The following ACSL3 variants were observed in gnomAD, a reference collection of about 807,000 sequenced individuals.
The protein encoded by ACSL3 is fatty acid CoA ligase Acsl3.
Under a neutral mutation model 84.7 loss-of-function variants are expected in ACSL3, and 34 were observed. The ratio of observed to expected loss-of-function variants is 0.40; its 90% CI spans 0.31 to 0.53. The LOEUF is 0.53. Among genes scored for constraint, ACSL3 ranks in the 20% least tolerant of loss-of-function variants. The probability of loss-of-function intolerance (pLI) is 0.48; values close to 1 mark genes in which losing one functional copy is unlikely to be tolerated. For missense variants in ACSL3, 680 were observed against 873.1 expected, an observed-to-expected ratio of 0.78 and a Z score of 2.79; for synonymous variants, 315 against 299.4, an observed-to-expected ratio of 1.05 and a Z score of -0.54.
chr2:222,879,557 T>C (rs763459044), intron 1 of ACSL3, among the ~76,000 whole-genome samples: 13 of 152,226 alleles, frequency 8.5e-5, no homozygotes, highest in Non-Finnish European at 1.2e-4. Context: ...ATTATACTCA[T>C]CCTGCATCTT....
intron 4 of ACSL3, 96 bp downstream of exon 4, chr2:222,909,246 C>A: frequency 7.8e-7 from 1 of 1,277,438 alleles, no homozygotes; most frequent in Non-Finnish European, 1.1e-6. Flanking sequence ...CATTAGAATT[C>A]GCTGTTGAAG....
intron 2 of ACSL3, among the ~76,000 whole-genome samples, chr2:222,896,250 GC>G (rs1695970651): frequency 1.2e-4 from 1 of 8,604 alleles, no homozygotes; most frequent in Admixed American, 8.7e-4. Context: ...GGGCAGAGGG[GC>G]TCCTCACTTC....
At chr2:222,916,211 T>A (rs1696577107) in intron 4 of ACSL3, 108 bp from the exon 5 acceptor site, 6 of 653,950 alleles carry the variant, frequency 9.2e-6, no homozygotes, top group Non-Finnish European at 1.4e-5. Flanking sequence ...AAGATAATTC[T>A]ATGCAAACGT....
chr2:222,875,232 GTC>G (rs1287662665), intron 1 of ACSL3, among the ~76,000 whole-genome samples: 1 of 151,962 alleles, frequency 6.6e-6, no homozygotes, highest in African/African-American at 2.4e-5. Flanking sequence ...ATAATACAGT[GTC>G]TCTCAAAGTT....
intron 2 of ACSL3, among the ~76,000 whole-genome samples, chr2:222,890,206 T>C (rs1033774781): frequency 1.2e-4 from 18 of 152,218 alleles, no homozygotes; most frequent in Non-Finnish European, 5.9e-5. Context: ...ACTTTGTTTT[T>C]TTAGCTGGTC....
At chr2:222,918,483 A>G (rs1338259935) in intron 6 of ACSL3, among the ~76,000 whole-genome samples, 1 of 151,572 alleles carries the variant, frequency 6.6e-6, no homozygotes, top group Non-Finnish European at 1.5e-5. Flanking sequence ...TAAACTAGTA[A>G]TTTTTATTTT....
intron 1 of ACSL3, among the ~76,000 whole-genome samples, chr2:222,879,484 G>C (rs1181788272): frequency 1.3e-5 from 2 of 152,150 alleles, no homozygotes; most frequent in Admixed American, 1.3e-4. Context: ...ATGCCTCCCT[G>C]TTAGGCAGGA....
At chr2:222,940,796 A>T (rs2106146724) in intron 16 of ACSL3, among the ~76,000 whole-genome samples, 1 of 152,330 alleles carries the variant, frequency 6.6e-6, no homozygotes, top group Non-Finnish European at 1.5e-5. Context: ...TGTTCCCATG[A>T]TGGCAAAACT....
intron 5 of ACSL3, among the ~76,000 whole-genome samples, chr2:222,916,932 G>C (rs918398732): frequency 2.0e-5 from 3 of 152,022 alleles, no homozygotes; most frequent in African/African-American, 7.2e-5. Flanking sequence ...TATCTGAATG[G>C]TAATTGTGGT....
chr2:222,923,219 T>C, intron 10 of ACSL3, 70 bp downstream of exon 10: 1 of 1,254,406 alleles, frequency 8.0e-7, no homozygotes, highest in Admixed American at 1.8e-5. Flanking sequence ...TTAGTGCTAG[T>C]GAAAAATATA....
chr2:222,926,181 A>G (rs1344125703), intron 11 of ACSL3, among the ~76,000 whole-genome samples: 2 of 152,238 alleles, frequency 1.3e-5, no homozygotes, highest in Non-Finnish European at 2.9e-5. Flanking sequence ...TTTATATTGT[A>G]TTAGGTATTA....
At chr2:222,908,678 T>C (rs868046133) in intron 3 of ACSL3, 55 bp from the exon 4 acceptor site, 12 of 1,276,278 alleles carry the variant, frequency 9.4e-6, no homozygotes, top group South Asian at 4.3e-5. Context: ...GTAACTTTTC[T>C]TTAAATTATT....
At chr2:222,908,691 A>T in intron 3 of ACSL3, 42 bp from the exon 4 acceptor site, 1 of 1,339,446 alleles carries the variant, frequency 7.5e-7, no homozygotes, top group Non-Finnish European at 1.0e-6. Flanking sequence ...AAATTATTTT[A>T]AAATGATTTT....
chr2:222,909,059 A>G lies in ACSL3; in HGVS notation c.287A>G (p.Lys96Arg). The G allele has an allele frequency of 6.8e-6, 11 of 1,612,526 alleles. No homozygotes were observed. The highest frequency in any genetic ancestry group is 9.3e-6 in the Non-Finnish European group (11 of 1,179,610). ...DTLDKVFTYA[K>R]NKFKNKRLLG... Reference sequence around the variant, plus strand: ...TTAGATAAAGTTTTTACATATGCAAAAAACAAATTTAAGAACAAAAGACTC... The same window carrying G: ...TTAGATAAAGTTTTTACATATGCAAGAAACAAATTTAAGAACAAAAGACTC... Residue 96 changes from lysine to arginine, a missense_variant, in exon 4 of 17, where the codon AAA becomes AGA. Around this residue, in one of 2 missense-constraint regions of ACSL3, gnomAD observed 333 missense variants for 347.5 expected, o/e 0.96. Transcript: ENST00000357430.
At chr2:222,940,622 C>T (rs1437305352) in intron 16 of ACSL3, among the ~76,000 whole-genome samples, 1 of 152,124 alleles carries the variant, frequency 6.6e-6, no homozygotes, top group Non-Finnish European at 1.5e-5. Flanking sequence ...TTTAGATACA[C>T]TTAAATACAC....
Position 222,919,157 on chromosome 2 carries a change from CATA to C in ACSL3, c.761_763del (p.His254_Thr255delinsPro), listed in dbSNP as rs1696663453. ...CGAGTTCCCCAAGGGCATCATTGTG[CATA>C]CCATGGCTGCAGTGGAGGCCCTGGG... On this transcript the variant is annotated inframe_deletion, in exon 7 of 17. Coordinates refer to ENST00000357430, the MANE Select transcript of ACSL3 (RefSeq NM_004457.5). The C allele has an allele frequency of 6.2e-7, 1 of 1,614,126 alleles. No individual in the cohort carries two copies. The highest frequency in any genetic ancestry group is 1.1e-5 in the South Asian group (1 of 91,082).
intron 1 of ACSL3, among the ~76,000 whole-genome samples, chr2:222,867,124 T>C (rs1695170685): frequency 6.6e-6 from 1 of 152,134 alleles, no homozygotes; most frequent in Non-Finnish European, 1.5e-5. Context: ...TGAACCACCA[T>C]GCCCGGCCTA....
chr2:222,887,505 TC>T (rs2106099638), intron 1 of ACSL3, among the ~76,000 whole-genome samples: 1 of 152,318 alleles, frequency 6.6e-6, no homozygotes, highest in South Asian at 2.1e-4. Context: ...CTGTCAAACT[TC>T]CGTAGTGGCT....
intron 2 of ACSL3, among the ~76,000 whole-genome samples, chr2:222,889,567 G>T (rs1695797312): frequency 6.6e-6 from 1 of 152,194 alleles, no homozygotes; most frequent in Admixed American, 6.5e-5. Flanking sequence ...CGTGTCCTTT[G>T]TGTGATTGTC....
Sources: allele counts gnomAD v4.1 joint callset (sites outside exome capture counted in the v4.1 genomes callset), GRCh38; gene constraint gnomAD v4.1.1; regional missense constraint gnomAD v4.1.1; transcripts MANE v1.5; gene names NCBI Gene and HGNC (gene_info 2026-07-23, HGNC 2026-07-21).